Variants in RTL4 observed in about 807,000 individuals in gnomAD.
RTL4 encodes retrotransposon Gag like 4.
A neutral mutation model predicts 5.3 loss-of-function variants in RTL4; 4 were observed. The ratio of observed to expected loss-of-function variants is 0.75; its 90% CI spans 0.37 to 1.72. RTL4 has a LOEUF of 1.72. RTL4 is among the 40% of genes most tolerant of loss of function. The pLI, the probability that RTL4 is intolerant of heterozygous loss-of-function variation, is 0.04. For synonymous variants in RTL4, 98 were observed against 87.3 expected, an observed-to-expected ratio of 1.12 and a Z score of -0.68; for missense variants, 260 against 227.1, an observed-to-expected ratio of 1.14 and a Z score of -0.93.
At chrX:112,190,461 G>A in the RTL4 span, among the ~76,000 whole-genome samples, 2 of 110,370 alleles carry the variant, frequency 1.8e-5, no homozygotes, top group Admixed American at 9.8e-5. Flanking sequence ...GCTCCCCAAA[G>A]GACAATGTCT....
chrX:112,086,892 A>G, the RTL4 span, among the ~76,000 whole-genome samples: 180 of 112,178 alleles, frequency 1.6e-3, no homozygotes, highest in African/African-American at 5.4e-3. Context: ...TTAAACTGTT[A>G]TATCAGAATG....
the RTL4 span, among the ~76,000 whole-genome samples, chrX:112,259,630 T>C: frequency 9.0e-6 from 1 of 111,087 alleles, no homozygotes; most frequent in Non-Finnish European, 1.9e-5. Flanking sequence ...GTTTTCTGTT[T>C]CCTTGTCATA....
chrX:112,188,070 C>A, the RTL4 span, among the ~76,000 whole-genome samples: 1 of 111,506 alleles, frequency 9.0e-6, no homozygotes, highest in East Asian at 2.8e-4. Context: ...GTGCCCACTC[C>A]TTACATACAA....
the RTL4 span, among the ~76,000 whole-genome samples, chrX:112,276,384 C>A: frequency 8.9e-6 from 1 of 111,899 alleles, no homozygotes; most frequent in African/African-American, 3.2e-5. Context: ...ACAAAAACAA[C>A]CCAGTTTACA....
chrX:112,417,944 T>C, the RTL4 span, among the ~76,000 whole-genome samples: 3 of 111,502 alleles, frequency 2.7e-5, no homozygotes, highest in Admixed American at 9.5e-5. Context: ...GGCCAGGAGA[T>C]TGAGACCAGC....
At chrX:112,107,768 G>C in the RTL4 span, among the ~76,000 whole-genome samples, 1 of 111,510 alleles carries the variant, frequency 9.0e-6, no homozygotes, top group South Asian at 3.7e-4. Context: ...GATGGTTTTA[G>C]TATAATATGT....
chrX:112,110,212 T>C, the RTL4 span, among the ~76,000 whole-genome samples: 1 of 112,271 alleles, frequency 8.9e-6, no homozygotes. Flanking sequence ...AGCAACACTC[T>C]TCCTTTAAGA....
At chrX:112,141,167 T>C in the RTL4 span, among the ~76,000 whole-genome samples, 2 of 112,125 alleles carry the variant, frequency 1.8e-5, no homozygotes, top group African/African-American at 6.5e-5. Context: ...TACTTAAATA[T>C]ATGTTAATGT....
the RTL4 span, among the ~76,000 whole-genome samples, chrX:112,099,485 T>A: frequency 9.0e-6 from 1 of 111,088 alleles, no homozygotes; most frequent in Non-Finnish European, 1.9e-5. Context: ...AAGTACTCTA[T>A]CCAGAGGGAA....
upstream of RTL4, among the ~76,000 whole-genome samples, chrX:112,450,495 T>C (rs143286476): frequency 0.012 from 1,387 of 111,718 alleles, 30 homozygotes; most frequent in African/African-American, 0.042. Flanking sequence ...GCAAGCTTTG[T>C]CCCAGGATCC....
At chrX:112,124,521 G>C in the RTL4 span, among the ~76,000 whole-genome samples, 2 of 111,538 alleles carry the variant, frequency 1.8e-5, no homozygotes, top group African/African-American at 6.5e-5. Flanking sequence ...GTCCTTTGCA[G>C]GGACATTTTG....
At chrX:112,442,796 T>C in the RTL4 span, among the ~76,000 whole-genome samples, 1 of 110,846 alleles carries the variant, frequency 9.0e-6, no homozygotes, top group Non-Finnish European at 1.9e-5. Context: ...TTTATATTTG[T>C]GGGTATATAG....
chrX:112,149,130 A>G, the RTL4 span, among the ~76,000 whole-genome samples: 1 of 112,074 alleles, frequency 8.9e-6, no homozygotes, highest in Non-Finnish European at 1.9e-5. Context: ...TTAGTGTATA[A>G]GAGGAATCAT....
chrX:112,097,333 G>C, the RTL4 span, among the ~76,000 whole-genome samples: 1 of 110,843 alleles, frequency 9.0e-6, no homozygotes, highest in Non-Finnish European at 1.9e-5. Context: ...GATGACACAA[G>C]ACTATATTGA....
chrX:112,352,862 A>C, the RTL4 span, among the ~76,000 whole-genome samples: 4 of 112,156 alleles, frequency 3.6e-5, no homozygotes, highest in African/African-American at 1.3e-4. Context: ...GCTTCTGCAC[A>C]GCAAAAGAAA....
chrX:112,396,268 G>A, the RTL4 span, among the ~76,000 whole-genome samples: 8 of 110,666 alleles, frequency 7.2e-5, 1 homozygote, highest in Admixed American at 7.7e-4. Context: ...TCTCCCAAAT[G>A]CACAGATTCT....
chrX:112,402,069 T>C, the RTL4 span, among the ~76,000 whole-genome samples: 69 of 111,932 alleles, frequency 6.2e-4, no homozygotes, highest in Non-Finnish European at 1.1e-3. Context: ...TCCATCCAAG[T>C]CCTATCTATC....
chrX:112,342,773 G>A, the RTL4 span, among the ~76,000 whole-genome samples: 3 of 111,629 alleles, frequency 2.7e-5, no homozygotes, highest in South Asian at 3.8e-4. Flanking sequence ...TGGAGGGGTC[G>A]GAAAGTGAGT....
the RTL4 span, among the ~76,000 whole-genome samples, chrX:112,311,135 A>G: frequency 9.2e-6 from 1 of 108,946 alleles, no homozygotes; most frequent in African/African-American, 3.3e-5. Context: ...AGTTGTTAGG[A>G]GTAGTTTATA....
Sources: allele counts gnomAD v4.1 joint callset (sites outside exome capture counted in the v4.1 genomes callset), GRCh38; gene constraint gnomAD v4.1.1; transcripts MANE v1.5; gene names NCBI Gene and HGNC (gene_info 2026-07-23, HGNC 2026-07-21).